NLRP8: variants seen among roughly 807,000 people sequenced by gnomAD.
NLRP8 encodes NACHT, LRR and PYD domains-containing protein 8.
In NLRP8, 86 loss-of-function variants were observed where a neutral mutation model predicts 88.7. The observed-to-expected ratio is 0.97, with a 90% confidence interval of 0.81 to 1.16. The LOEUF is 1.16. Among genes scored for constraint, NLRP8 ranks in the 50% most tolerant of loss-of-function variants. NLRP8 has a pLI of 0.00. For missense variants in NLRP8, 1,342 were observed against 1,286.5 expected (o/e 1.04, Z -0.66); for synonymous variants, 504 against 494.6 (o/e 1.02, Z -0.25).
At chr19:55,971,861 C>T (rs1041712462) in intron 6 of NLRP8, among the ~76,000 whole-genome samples, 1 of 152,178 alleles carries the variant, frequency 6.6e-6, no homozygotes, top group African/African-American at 2.4e-5. Flanking sequence ...TATTGCCAAT[C>T]TGTTGGGCAG....
chr19:55,976,854 G>A (rs1933066558), intron 8 of NLRP8, among the ~76,000 whole-genome samples: 1 of 148,896 alleles, frequency 6.7e-6, no homozygotes, highest in African/African-American at 2.5e-5. Flanking sequence ...CTGAGGTGGG[G>A]CGGATCATGA....
chr19:55,964,847 A>G (rs1979770105), intron 4 of NLRP8, among the ~76,000 whole-genome samples: 1 of 152,166 alleles, frequency 6.6e-6, no homozygotes, highest in South Asian at 2.1e-4. Context: ...CAAATTGTAT[A>G]TGTTAAATAT....
intron 9 of NLRP8, among the ~76,000 whole-genome samples, chr19:55,984,890 A>G (rs1416588675): frequency 6.6e-6 from 1 of 152,222 alleles, no homozygotes; most frequent in Non-Finnish European, 1.5e-5. Context: ...AAACTTCATG[A>G]ATGGGAACAC....
intron 7 of NLRP8, among the ~76,000 whole-genome samples, chr19:55,975,577 C>T (rs1980273031): frequency 6.6e-6 from 1 of 152,202 alleles, no homozygotes; most frequent in Non-Finnish European, 1.5e-5. Context: ...ATGGTGTATT[C>T]ACGCAATGGA....
At chr19:55,959,501 C>T (rs934370903) in intron 3 of NLRP8, among the ~76,000 whole-genome samples, 13 of 134,076 alleles carry the variant, frequency 9.7e-5, no homozygotes, top group South Asian at 8.0e-4. Context: ...CGTGAGCCAC[C>T]GCGCCCGGCC....
rs778675725 is a variant in NLRP8 at position 55,948,264 on chromosome 19, T to G, written c.362T>G (p.Ile121Arg). 4 of 1,611,140 alleles carry G rather than the reference T, an allele frequency of 2.5e-6. No homozygotes were observed. Among genetic ancestry groups the G allele is most frequent in the Non-Finnish European group, 3.4e-6 (4 of 1,177,698 alleles). ...ATGTGTGTTGTAGTCCGCAGAGAGATAAATGGTGAGTGTTGATCTGGTGGA... is the reference window on the plus strand; with the variant it reads ...ATGTGTGTTGTAGTCCGCAGAGAGAGAAATGGTGAGTGTTGATCTGGTGGA... The change falls in exon 1 of 10, where the codon ATA becomes AGA. Residue 121 changes from isoleucine (I) to arginine (R), a missense_variant. Coordinates refer to ENST00000291971, the MANE Select transcript of NLRP8 (RefSeq NM_176811.2).
Position 55,966,293 on chromosome 19 carries a change from A to T in NLRP8, c.2294A>T (p.Glu765Val). Residue 765 changes from glutamate (E) to valine (V), a missense_variant, in exon 5 of 10, where the codon GAA becomes GTA. By Grantham distance (121) the Glu-to-Val change is moderately radical. Transcript: ENST00000291971. ...GGGAACCAGCATCTGAGATACTTGG[A>T]AATACAACATGTGGAAGTGGAGTCC... 6.2e-7 allele frequency: 1 copy of T among 1,614,098 alleles called. No individual in the cohort carries two copies. The highest frequency in any genetic ancestry group is 8.5e-7 in the Non-Finnish European group (1 of 1,179,974).
intron 9 of NLRP8, among the ~76,000 whole-genome samples, chr19:55,986,224 A>T (rs1980798312): frequency 6.6e-6 from 1 of 152,032 alleles, no homozygotes; most frequent in East Asian, 1.9e-4. Flanking sequence ...ACAAAAAATT[A>T]AAAAATGCCA....
Position 55,956,010 on chromosome 19 carries a change from G to A in NLRP8, c.1952G>A (p.Arg651Gln), listed in dbSNP as rs185259408. ...CAAGTGTCTGCTTTTTGCCTGAAGCGGTGTCAATATTTGCATGAGGTGGAA... is the reference window on the plus strand; with the variant it reads ...CAAGTGTCTGCTTTTTGCCTGAAGCAGTGTCAATATTTGCATGAGGTGGAA... Residue 651 changes from arginine (R) to glutamine (Q), a missense_variant, in exon 3 of 10, where the codon CGG (arginine) becomes CAG (glutamine). By Grantham distance (43) the Arg-to-Gln change is conservative (BLOSUM62 1). Coordinates refer to ENST00000291971, the MANE Select transcript of NLRP8 (RefSeq NM_176811.2). 27 of 1,614,052 alleles carry A rather than the reference G, an allele frequency of 1.7e-5. No individual in the cohort carries two copies. The highest frequency in any genetic ancestry group is 3.3e-5 in the Admixed American group (2 of 59,996).
At chr19:55,982,233 A>G (rs1980605442) in intron 9 of NLRP8, among the ~76,000 whole-genome samples, 1 of 152,076 alleles carries the variant, frequency 6.6e-6, no homozygotes, top group East Asian at 1.9e-4. Context: ...AAGAAATTTT[A>G]TTTCAAAAGC....
At chr19:55,975,312 G>C (rs965344738) in intron 7 of NLRP8, among the ~76,000 whole-genome samples, 4 of 152,198 alleles carry the variant, frequency 2.6e-5, no homozygotes, top group African/African-American at 7.2e-5. Flanking sequence ...CACTGATACT[G>C]TTAGTTCTCC....
rs1056247680 is a variant in NLRP8, at chr19:55,968,024, G to A, written c.2381+1644G>A. Among the ~76,000 whole-genome samples the A allele has an allele frequency of 1.5e-4, 23 of 152,332 alleles. No homozygotes were observed. In the East Asian group the frequency reaches 1.9e-3, roughly 13 times the overall value. Reference sequence around the variant, plus strand: ...TGCAGTGCTAAGGCTGCCGGAGTTCGTAGGTAAACAAATGGATACAGCTGT... The same window carrying A: ...TGCAGTGCTAAGGCTGCCGGAGTTCATAGGTAAACAAATGGATACAGCTGT... On this transcript the variant is annotated intron_variant, in intron 5 of 9. Transcript: ENST00000291971.
chr19:55,984,033 C>T (rs1468515049), intron 9 of NLRP8, among the ~76,000 whole-genome samples: 6 of 152,024 alleles, frequency 3.9e-5, no homozygotes, highest in Non-Finnish European at 8.8e-5. Context: ...AAAAACCCAA[C>T]CACTATTACA....
At position 55,984,245 on chromosome 19, in the gene NLRP8, C is replaced by T. The variant is rs374909598; in HGVS notation, c.3048-3569C>T. 1.4e-3 allele frequency among the ~76,000 whole-genome samples: 206 copies of T among 152,232 alleles called. 8 individuals are homozygous for T. In the South Asian group the frequency reaches 0.04, roughly 30 times the overall value. On this transcript the variant is annotated intron_variant, in intron 9 of 9. Coordinates refer to ENST00000291971, the MANE Select transcript of NLRP8 (RefSeq NM_176811.2). Reference sequence around the variant, plus strand: ...ATTAAAAAGTGAATTAGTAAGATCCCACACACAACAACTCGATATATGAAA... The same window carrying T: ...ATTAAAAAGTGAATTAGTAAGATCCTACACACAACAACTCGATATATGAAA...
chr19:55,948,127 G>C lies in NLRP8; in HGVS notation c.225G>C (p.Gln75His). The C allele has an allele frequency of 6.2e-7, 1 of 1,614,188 alleles. No homozygotes were observed. The change falls in exon 1 of 10, where the codon CAG (glutamine) becomes CAC (histidine). Residue 75 changes from glutamine (Q) to histidine (H), a missense_variant. By Grantham distance (24) the Gln-to-His change is conservative. Transcript: ENST00000291971. ...GCACCATGCCCATCACCTGGGACCA[G>C]GTCGAGACAGCCAGCTGGGCAGAGG...
At chr19:55,984,554 TGAG>T (rs1980718981) in intron 9 of NLRP8, among the ~76,000 whole-genome samples, 1 of 149,408 alleles carries the variant, frequency 6.7e-6, no homozygotes, top group African/African-American at 2.5e-5. Flanking sequence ...CTTTTGAGGC[TGAG>T]GCAGGAGAAT....
In NLRP8 at chr19:55,948,050, C is replaced by T. The variant is rs1568456545; in HGVS notation, c.148C>T (p.His50Tyr). 2.5e-6 allele frequency: 4 copies of T among 1,613,984 alleles called. No individual in the cohort carries two copies. In the South Asian group the frequency reaches 4.4e-5, roughly 18 times the overall value. ...CATGCTGTACATGAGAAACGTGAGC[C>T]ATGAGGAGCTACAACGGTTCAAGCA... Residue 50 changes from histidine (H) to tyrosine (Y), a missense_variant, in exon 1 of 10, where the codon CAT becomes TAT. Physicochemically the swap from His to Tyr is moderately conservative, Grantham distance 83. Transcript: ENST00000291971.
intron 8 of NLRP8, among the ~76,000 whole-genome samples, chr19:55,977,192 G>A (rs910317931): frequency 4.9e-5 from 6 of 122,006 alleles, no homozygotes; most frequent in South Asian, 2.6e-4. Flanking sequence ...ACATATATAC[G>A]TATATAAAGA....
intron 3 of NLRP8, among the ~76,000 whole-genome samples, chr19:55,956,742 C>T (rs994624029): frequency 7.9e-5 from 12 of 152,044 alleles, no homozygotes; most frequent in African/African-American, 2.9e-4. Flanking sequence ...CCCTTGTTCA[C>T]CCTCCCTCCC....
Sources: gnomAD v4.1 joint callset for allele counts (sites outside exome capture counted in the v4.1 genomes callset) on GRCh38, gnomAD v4.1.1 for gene constraint, MANE v1.5 for transcripts, NCBI Gene and HGNC (gene_info 2026-07-23, HGNC 2026-07-21) for gene names.